The following KANK3 variants were observed in gnomAD, a reference collection of about 807,000 sequenced individuals.
KANK3 encodes the protein KN motif and ankyrin repeat domains 3, also known as KN motif and ankyrin repeat domain-containing protein 3.
A neutral mutation model predicts 65.4 loss-of-function variants in KANK3; 61 were observed. That is an observed-to-expected ratio of 0.93 (90% CI 0.76 to 1.15). KANK3 has a LOEUF of 1.15. KANK3 is among the 50% of genes most tolerant of loss of function. The pLI is 0.00. For synonymous variants in KANK3, 586 were observed against 543.3 expected, an observed-to-expected ratio of 1.08 and a Z score of -1.09; for missense variants, 1,187 against 1,178.8, an observed-to-expected ratio of 1.01 and a Z score of -0.10.
rs897625925 is a variant in KANK3, at chr19:8,332,079, T to G, written c.1936+935A>C. 4.9e-5 allele frequency among the ~76,000 whole-genome samples: 7 copies of G among 143,510 alleles called. No homozygotes were observed. The Admixed American group carries it at 5.2e-4, about 11-fold the overall frequency. 94.1% of individuals were successfully genotyped at this position (143,510 alleles called of 152,430 possible). A position where few individuals can be genotyped will look rare whatever the true frequency, so the allele number is the denominator to read the frequency against. ...CTCACTCTTGGCTTACTGCAACCTC[T>G]GCCTCCTGGGTTCAAGTAATCCTCG... On this transcript the variant is annotated intron_variant, in intron 7 of 10. Transcript: ENST00000330915.
rs1970389306 is a variant in KANK3, at chr19:8,324,708, A to G, written c.2205T>C (p.Cys735=). The G allele has an allele frequency of 1.2e-6, 2 of 1,613,906 alleles. No homozygotes were observed. The highest frequency in any genetic ancestry group is 1.3e-5 in the African/African-American group (1 of 74,938). Residue 735 remains cysteine (C), a synonymous_variant, in exon 9 of 11, where the codon TGT becomes TGC. Transcript: ENST00000330915. ...TGTCCAGGCGCCCATACTCACTGGC[A>G]CACATCAGCGCTGTGGCCCCATCCG... ...QDADGATALM[C]ASEYGRLDTV...
chr19:8,342,601 C>CT lies in KANK3; in HGVS notation c.-29+623dup, dbSNP rs1355895563. ...CGGCAGGCCAGTGAGGATCCCAGTCCTGGGGAGAGGGCGCCTTCCAGGAGG... is the reference window on the plus strand; with the variant it reads ...CGGCAGGCCAGTGAGGATCCCAGTCCTTGGGGAGAGGGCGCCTTCCAGGAGG... On this transcript the variant is annotated intron_variant, in intron 1 of 10. Coordinates refer to ENST00000330915, the MANE Select transcript of KANK3 (RefSeq NM_198471.3). Among the ~76,000 whole-genome samples the CT allele has an allele frequency of 2.7e-5, 4 of 145,676 alleles. No homozygotes were observed. The South Asian group carries it at 7.1e-4, about 26-fold the overall frequency.
intron 7 of KANK3, 111 bp from the exon 8 acceptor site, chr19:8,325,207 A>G (rs1970404292): frequency 1.1e-5 from 13 of 1,214,548 alleles, no homozygotes; most frequent in Non-Finnish European, 1.4e-5. Flanking sequence ...GGTGGTCTCA[A>G]CGTTCTCCCC....
At chr19:8,327,045 C>T (rs1970441534) in intron 7 of KANK3, among the ~76,000 whole-genome samples, 1 of 152,024 alleles carries the variant, frequency 6.6e-6, no homozygotes, top group Non-Finnish European at 1.5e-5. Context: ...TGTTTTAATC[C>T]CTGTCTCCTG....
At chr19:8,325,889 C>T (rs544422725) in intron 7 of KANK3, among the ~76,000 whole-genome samples, 4 of 151,266 alleles carry the variant, frequency 2.6e-5, no homozygotes, top group East Asian at 2.0e-4. Context: ...TGCAGTGGCA[C>T]GATCTCAGCT....
rs776000901 is a variant in KANK3, at chr19:8,324,768, T to G, written c.2145A>C (p.Leu715=). Residue 715 remains leucine, a synonymous_variant, in exon 9 of 11, where the codon CTA becomes CTC. Transcript: ENST00000330915. ...CATTCACATCAGCCCCACACGCCAG[T>G]AGGGTTGCCACCATGTCCTGTCGGC... ...SHGRQDMVAT[L]LACGADVNAQ... 6.2e-7 allele frequency: 1 copy of G among 1,614,038 alleles called. No homozygotes were observed. The highest frequency in any genetic ancestry group is 1.1e-5 in the South Asian group (1 of 91,088).
rs1255799934 is a variant in KANK3, at chr19:8,324,757, C to G, written c.2156G>C (p.Gly719Ala). 6.2e-7 allele frequency: 1 copy of G among 1,614,084 alleles called. No homozygotes were observed. Among genetic ancestry groups the G allele is most frequent in the Admixed American group, 1.7e-5 (1 of 60,024 alleles). Reference sequence around the variant, plus strand: ...CGCATCCTGCGCATTCACATCAGCCCCACACGCCAGTAGGGTTGCCACCAT... The same window carrying G: ...CGCATCCTGCGCATTCACATCAGCCGCACACGCCAGTAGGGTTGCCACCAT... The part of the protein sequence containing the change: ...QDMVATLLAC[G>A]ADVNAQDADG... Residue 719 changes from glycine (G) to alanine (A), a missense_variant, in exon 9 of 11, where the codon GGG becomes GCG. Transcript: ENST00000330915.
chr19:8,333,281 C>G lies in KANK3; in HGVS notation c.1720-51G>C. ...CATCGGCGATGGTCCACGGCGGCGCCGTGGTGGGGGAGCTGGGGAGGGGCG... is the reference window on the plus strand; with the variant it reads ...CATCGGCGATGGTCCACGGCGGCGCGGTGGTGGGGGAGCTGGGGAGGGGCG... On this transcript the variant is annotated intron_variant, in intron 6 of 10. Transcript: ENST00000330915. The surrounding 1 kb of genome is among the most constrained non-coding windows in gnomAD (Gnocchi z 5.0). 6.9e-7 allele frequency: 1 copy of G among 1,455,520 alleles called. No individual in the cohort carries two copies. 90.2% of individuals were successfully genotyped at this position (1,455,520 alleles called of 1,614,324 possible). A position where few individuals can be genotyped will look rare whatever the true frequency, so the allele number is the denominator to read the frequency against.
At chr19:8,327,491 C>T (rs1970448860) in intron 7 of KANK3, among the ~76,000 whole-genome samples, 1 of 151,982 alleles carries the variant, frequency 6.6e-6, no homozygotes, top group Non-Finnish European at 1.5e-5. Context: ...ATTAGCCAGG[C>T]GTGGTGGTGT....
At chr19:8,331,174 G>A (rs1970517632) in intron 7 of KANK3, among the ~76,000 whole-genome samples, 1 of 148,084 alleles carries the variant, frequency 6.8e-6, no homozygotes, top group Non-Finnish European at 1.5e-5. Context: ...CAGCCTGGGC[G>A]ACAGAGCAAG....
intron 7 of KANK3, among the ~76,000 whole-genome samples, chr19:8,326,631 C>CAA (rs1206711323): frequency 0.068 from 8,724 of 128,294 alleles, 309 homozygotes; most frequent in Middle Eastern, 0.083. Context: ...ACTAAAAATA[C>CAA]AAAAAAAAAA....
Position 8,324,819 on chromosome 19 carries a change from T to A in KANK3, c.2094A>T (p.Thr698=). Residue 698 remains threonine (T), a synonymous_variant, in exon 9 of 11, where the codon ACA becomes ACT. Coordinates refer to ENST00000330915, the MANE Select transcript of KANK3 (RefSeq NM_198471.3). The part of the protein sequence containing the change: ...VNAKASQTGQ[T]ALMLAISHGR... ...CATGGCTGATGGCCAGCATGAGGGC[T>A]GTCTGCCCCGTCTGGGGAGTGGGGA... 2 of 1,611,130 alleles carry A rather than the reference T, an allele frequency of 1.2e-6. No homozygotes were observed. The highest frequency in any genetic ancestry group is 1.7e-6 in the Non-Finnish European group (2 of 1,178,306).
chr19:8,338,107 C>T (rs532207357), intron 1 of KANK3: 5 of 376,382 alleles, frequency 1.3e-5, no homozygotes, highest in African/African-American at 2.2e-5. Context: ...TTGCAGCCTC[C>T]CCCTCCCGGG....
intron 1 of KANK3, among the ~76,000 whole-genome samples, chr19:8,342,295 G>A (rs1970731151): frequency 6.6e-6 from 1 of 152,120 alleles, no homozygotes; most frequent in Non-Finnish European, 1.5e-5. Context: ...GGAGCCTCAG[G>A]GGGCTTGTCC....
At position 8,333,727 on chromosome 19, in the gene KANK3, G is replaced by A. The variant is rs1475980001; in HGVS notation, c.1716C>T (p.Asp572=). 6.9e-7 allele frequency: 1 copy of A among 1,456,350 alleles called. No homozygotes were observed. The allele number at this position is 1,456,350 out of a possible 1,614,324, so 90.2% of individuals were successfully genotyped here. ...GCTGCGCTCCCGGGGCACTCACGCCGTCGCTGGCTACTCCGCGGGGCCGGC... is the reference window on the plus strand; with the variant it reads ...GCTGCGCTCCCGGGGCACTCACGCCATCGCTGGCTACTCCGCGGGGCCGGC... The part of the protein sequence containing the change: ...QLSRPRGVAS[D]GGAVRLVAQE... Residue 572 remains aspartate, a synonymous_variant, in exon 6 of 11, where the codon GAC becomes GAT. Coordinates refer to ENST00000330915, the MANE Select transcript of KANK3 (RefSeq NM_198471.3). This position sits in a 1 kb window ranked among gnomAD's most constrained non-coding sequence, Gnocchi z 5.0.
At chr19:8,337,758 C>T (rs737228) in intron 2 of KANK3, 37 bp downstream of exon 2, 179,832 of 1,602,370 alleles carry the variant, frequency 0.11, 10,964 homozygotes, top group African/African-American at 0.21. Flanking sequence ...TCTGTGCATG[C>T]GCACACACAC....
At position 8,334,823 on chromosome 19, in the gene KANK3, TC is replaced by T. The variant is rs1970600447; in HGVS notation, c.1003del (p.Glu335ArgfsTer6). The part of the protein sequence containing the change: ...AGVEAAPETV[E>X]ADAWVTEALL... ...CGCCTCGGTCACCCACGCGTCCGCC[TC>T]CACGGTCTCGGGGGCAGCCTCCACG... is the stretch of plus-strand genomic sequence containing the variant. On this transcript the variant is annotated frameshift_variant, in exon 3 of 11. Coordinates refer to ENST00000330915, the MANE Select transcript of KANK3 (RefSeq NM_198471.3). LOFTEE classifies it high-confidence loss of function. 6.7e-7 allele frequency: 1 copy of T among 1,489,112 alleles called. No homozygotes were observed. Among genetic ancestry groups the T allele is most frequent in the Non-Finnish European group, 8.9e-7 (1 of 1,128,456 alleles). The allele number at this position is 1,489,112 out of a possible 1,614,324, so 92.2% of individuals were successfully genotyped here.
In KANK3 at chr19:8,335,047, G is replaced by A; in HGVS notation, c.780C>T (p.Gly260=). Residue 260 remains glycine, a synonymous_variant, in exon 3 of 11, where the codon GGC becomes GGT. Transcript: ENST00000330915. ...LTERLATSER[G]GRARASPRAD... is the part of the protein sequence containing the mutation. ...CCCGGGGGCTGGCCCTGGCACGGCC[G>A]CCGCGCTCGGAGGTGGCCAGGCGCT... 2 of 1,365,232 alleles carry A rather than the reference G, an allele frequency of 1.5e-6. No homozygotes were observed. The highest frequency in any genetic ancestry group is 3.1e-5 in the East Asian group (1 of 32,106). The allele number at this position is 1,365,232 out of a possible 1,614,324, so 84.6% of individuals were successfully genotyped here.
At chr19:8,329,758 C>T (rs975187273) in intron 7 of KANK3, among the ~76,000 whole-genome samples, 11 of 152,152 alleles carry the variant, frequency 7.2e-5, no homozygotes, top group Non-Finnish European at 1.2e-4. Context: ...CCTTCCTGAG[C>T]CTTGGGGGAT....
Sources: allele counts gnomAD v4.1 joint callset (sites outside exome capture counted in the v4.1 genomes callset), GRCh38; gene constraint gnomAD v4.1.1; non-coding constraint Gnocchi (gnomAD v3.1); transcripts MANE v1.5; gene names NCBI Gene and HGNC (gene_info 2026-07-23, HGNC 2026-07-21).